The following UBE4B variants were observed in gnomAD, a reference collection of about 807,000 sequenced individuals.
The protein encoded by UBE4B is ubiquitin conjugation factor E4 B.
A neutral mutation model predicts 148.1 loss-of-function variants in UBE4B; 27 were observed. The observed-to-expected ratio is 0.18, with a 90% CI of 0.13 to 0.25. The LOEUF is 0.25. UBE4B is among the 10% of genes least tolerant of loss of function. The pLI is 1.00. For synonymous variants in UBE4B, 596 were observed against 619.3 expected (o/e 0.96, Z 0.56); for missense variants, 1,170 against 1,662.4 (o/e 0.70, Z 5.15).
intron 17 of UBE4B, among the ~76,000 whole-genome samples, chr1:10,137,921 CTTTTTTTTTTT>C (rs70998351): frequency 1.1e-3 from 77 of 67,036 alleles, no homozygotes; most frequent in Non-Finnish European, 1.6e-3. Flanking sequence ...CTTACTAATT[CTTTTTTTTTTT>C]TTTTTTTTTT....
At chr1:10,034,100 G>A (rs891222920) in intron 1 of UBE4B, among the ~76,000 whole-genome samples, 1 of 152,200 alleles carries the variant, frequency 6.6e-6, no homozygotes, top group African/African-American at 2.4e-5. Context: ...TATTTTTAAA[G>A]AAAGCATTTG....
At chr1:10,140,029 T>C (rs1274884750) in intron 17 of UBE4B, among the ~76,000 whole-genome samples, 2 of 152,190 alleles carry the variant, frequency 1.3e-5, no homozygotes, top group East Asian at 1.9e-4. Flanking sequence ...CCCATTTTAA[T>C]TGGCTTTCTA....
intron 26 of UBE4B, 69 bp downstream of exon 26, chr1:10,178,887 G>T (rs908159872): frequency 6.7e-7 from 1 of 1,483,892 alleles, no homozygotes; most frequent in Non-Finnish European, 9.0e-7. Flanking sequence ...ATTACAAGAG[G>T]ACGTCCTGTG....
intron 26 of UBE4B, chr1:10,179,198 C>G (rs191622694): frequency 2.1e-4 from 122 of 572,902 alleles, no homozygotes; most frequent in African/African-American, 2.0e-3. Flanking sequence ...TCTGTTCCCT[C>G]CCCCCAGCAG....
At position 10,131,056 on chromosome 1, in the gene UBE4B, GCTC is replaced by G. The variant is rs1326156223; in HGVS notation, c.1911+251_1911+253del. ...AACTGGTCCTAAGCTTAGTGGCCCG[GCTC>G]CTCCTCCAGCTGGCCCTTAGGCATT... On this transcript the variant is annotated intron_variant, in intron 14 of 27. Transcript: ENST00000343090. Among the ~76,000 whole-genome samples, 19 of 152,308 alleles carry G rather than the reference GCTC, an allele frequency of 1.2e-4. No homozygotes were observed. The East Asian group carries it at 3.5e-3, about 28-fold the overall frequency.
chr1:10,131,338 A>G (rs1645589792), intron 14 of UBE4B, among the ~76,000 whole-genome samples: 1 of 152,026 alleles, frequency 6.6e-6, no homozygotes, highest in Admixed American at 6.6e-5. Context: ...TTAGCCAGGC[A>G]TGGCAGCGCG....
At chr1:10,063,840 A>G (rs1413771324) in intron 1 of UBE4B, among the ~76,000 whole-genome samples, 1 of 151,982 alleles carries the variant, frequency 6.6e-6, no homozygotes, top group Non-Finnish European at 1.5e-5. Context: ...CCAGGGAGGC[A>G]GAGGTTGCAA....
chr1:10,164,566 A>G (rs1646218775), intron 23 of UBE4B, among the ~76,000 whole-genome samples: 1 of 152,232 alleles, frequency 6.6e-6, no homozygotes, highest in South Asian at 2.1e-4. Flanking sequence ...TCTCGTATTC[A>G]TAGTCAGTAC....
chr1:10,167,685 T>A (rs1199717023), intron 23 of UBE4B, among the ~76,000 whole-genome samples: 1 of 149,962 alleles, frequency 6.7e-6, no homozygotes, highest in Non-Finnish European at 1.5e-5. Context: ...CTCAGCCTTC[T>A]GGGTTCAAGC....
At chr1:10,056,670 A>G (rs1644174980) in intron 1 of UBE4B, among the ~76,000 whole-genome samples, 1 of 152,222 alleles carries the variant, frequency 6.6e-6, no homozygotes, top group South Asian at 2.1e-4. Context: ...AGGCTCAGAG[A>G]GATAACCCAG....
chr1:10,124,264 C>T lies in UBE4B; in HGVS notation c.1554+2188C>T, dbSNP rs146802934. Among the ~76,000 whole-genome samples the T allele has an allele frequency of 4.8e-3, 727 of 152,028 alleles. 10 individuals are homozygous for T. The highest frequency in any genetic ancestry group is 0.016 in the African/African-American group (679 of 41,450). On this transcript the variant is annotated intron_variant, in intron 10 of 27. Coordinates refer to ENST00000343090, the MANE Select transcript of UBE4B (RefSeq NM_001105562.3). ...GCAACTTCCACCTTCTGGGTTCGAG[C>T]GATTCTCCTGCCTCAGCCTCCCAAG...
In UBE4B at chr1:10,095,449, T is replaced by A. The variant is rs1644915590; in HGVS notation, c.212-12T>A. 6.2e-7 allele frequency: 1 copy of A among 1,613,198 alleles called. No individual in the cohort carries two copies. Among genetic ancestry groups the A allele is most frequent in the Admixed American group, 1.7e-5 (1 of 59,698 alleles). ...CACATGGGGCTTCATCCTTCCTGTG[T>A]TTTCTGTTTAGGAGTAGCCCATCGA... On this transcript the variant is annotated splice_polypyrimidine_tract_variant and intron_variant, in intron 2 of 27. Transcript: ENST00000343090.
chr1:10,101,059 G>GT, intron 3 of UBE4B, 49 bp from the exon 4 acceptor site: 1 of 1,542,636 alleles, frequency 6.5e-7, no homozygotes, highest in Non-Finnish European at 9.0e-7. Flanking sequence ...CAGTGACATT[G>GT]TGCGGATTTA....
chr1:10,101,979 GT>G (rs1645020160), intron 4 of UBE4B, among the ~76,000 whole-genome samples: 5 of 127,518 alleles, frequency 3.9e-5, no homozygotes, highest in African/African-American at 1.5e-4. Flanking sequence ...CATTTAGGGT[GT>G]GTGTGTGTGT....
At chr1:10,142,674 A>G (rs1002259441) in intron 17 of UBE4B, among the ~76,000 whole-genome samples, 2 of 151,952 alleles carry the variant, frequency 1.3e-5, no homozygotes, top group African/African-American at 4.8e-5. Flanking sequence ...GTCTCAAAAA[A>G]AGAAGATGAA....
chr1:10,121,939 C>T, intron 9 of UBE4B, 23 bp from the exon 10 acceptor site: 1 of 1,544,380 alleles, frequency 6.5e-7, no homozygotes, highest in Non-Finnish European at 8.9e-7. Context: ...TCATCACCGT[C>T]CCTAATGTTC....
Position 10,132,458 on chromosome 1 carries a change from C to T in UBE4B, c.2001C>T (p.Ala667=). 1 of 1,614,118 alleles carries T rather than the reference C, an allele frequency of 6.2e-7. No individual in the cohort carries two copies. Among genetic ancestry groups the T allele is most frequent in the East Asian group, 2.2e-5 (1 of 44,872 alleles). ...ALSYMAAVVN[A]NMKKAQMQTD... ...GTTACATGGCGGCTGTCGTCAATGC[C>T]AATATGAAGAAAGCACAGATGCAGG... Residue 667 remains alanine, a synonymous_variant, in exon 15 of 28, where the codon GCC becomes GCT. Coordinates refer to ENST00000343090, the MANE Select transcript of UBE4B (RefSeq NM_001105562.3).
At chr1:10,141,963 C>G (rs1478679549) in intron 17 of UBE4B, among the ~76,000 whole-genome samples, 2 of 152,102 alleles carry the variant, frequency 1.3e-5, no homozygotes, top group African/African-American at 4.8e-5. Context: ...TGGAGCTGCT[C>G]CTTTCCTTTA....
At chr1:10,061,695 C>G (rs1480064522) in intron 1 of UBE4B, among the ~76,000 whole-genome samples, 2 of 152,076 alleles carry the variant, frequency 1.3e-5, no homozygotes, top group Non-Finnish European at 2.9e-5. Context: ...GATTTGGACC[C>G]CTGCCCCAGG....
Sources: allele counts gnomAD v4.1 joint callset (sites outside exome capture counted in the v4.1 genomes callset), GRCh38; gene constraint gnomAD v4.1.1; transcripts MANE v1.5; gene names NCBI Gene and HGNC (gene_info 2026-07-23, HGNC 2026-07-21).